The following SORCS2 variants were observed in gnomAD, a reference collection of about 807,000 sequenced individuals.
SORCS2 encodes the protein sortilin related VPS10 domain containing receptor 2, also known as VPS10 domain-containing receptor SorCS2.
In SORCS2, 100 loss-of-function variants were observed where a neutral mutation model predicts 141.6. The observed-to-expected ratio is 0.71, with a 90% confidence interval of 0.60 to 0.83. SORCS2 has a LOEUF of 0.83. Among genes scored for constraint, SORCS2 ranks in the 40% least tolerant of loss-of-function variants. The pLI is 0.00. For missense variants in SORCS2, 1,646 were observed against 1,560.2 expected (o/e 1.05, Z -0.93); for synonymous variants, 789 against 676.9 (o/e 1.17, Z -2.57).
chr4:7,716,246 G>A (rs1051788607), intron 17 of SORCS2, among the ~76,000 whole-genome samples: 1 of 152,170 alleles, frequency 6.6e-6, no homozygotes, highest in Admixed American at 6.5e-5. Context: ...TTCCCCTGAG[G>A]GAACTTGAGG....
rs1398957353 is a variant in SORCS2 at position 7,704,182 on chromosome 4, G to T, written c.1766G>T (p.Ser589Ile). Residue 589 changes from serine (S) to isoleucine (I), a missense_variant, in exon 14 of 27, where the codon AGT (serine) becomes ATT (isoleucine). Transcript: ENST00000507866. ...TGACGATCTTCTCCTGGCAGGTTCA[G>T]TGTGGACGAGGGCCTCACCTGGAGC... Reference protein sequence around the residue: ...TSIPLKILKFSVDEGLTWSTH... With the variant: ...TSIPLKILKFIVDEGLTWSTH... The T allele has an allele frequency of 4.3e-6, 7 of 1,611,760 alleles. No homozygotes were observed. The highest frequency in any genetic ancestry group is 5.9e-6 in the Non-Finnish European group (7 of 1,179,168).
chr4:7,725,268 G>A lies in SORCS2; in HGVS notation c.2726G>A (p.Trp909Ter). 1 of 1,613,324 alleles carries A rather than the reference G, an allele frequency of 6.2e-7. No individual in the cohort carries two copies. ...LNPNLTVFYWWIGHSLQPLLS... is the reference protein window; with the variant it reads ...LNPNLTVFYW ...CCTAACCTCACCGTCTTCTACTGGT[G>A]GATCGGCCACAGCCTGCAGGTGCGC... Residue 909 changes from tryptophan to a stop codon, truncating the protein, a stop_gained, in exon 20 of 27, where the codon TGG (tryptophan) becomes TAG (stop). Transcript: ENST00000507866. LOFTEE classifies it high-confidence loss of function.
At chr4:7,356,013 C>G (rs1721230088) in intron 1 of SORCS2, among the ~76,000 whole-genome samples, 3 of 152,240 alleles carry the variant, frequency 2.0e-5, no homozygotes, top group Admixed American at 2.0e-4. Context: ...GGCCCTCTTT[C>G]TGTCCTTTGA....
intron 2 of SORCS2, among the ~76,000 whole-genome samples, chr4:7,450,929 G>A (rs1318555355): frequency 6.6e-6 from 1 of 150,756 alleles, no homozygotes; most frequent in Non-Finnish European, 1.5e-5. Context: ...AGGAAGTGAG[G>A]GAATGAGTGA....
intron 1 of SORCS2, among the ~76,000 whole-genome samples, chr4:7,252,316 G>A (rs1713560094): frequency 6.6e-6 from 1 of 152,162 alleles, no homozygotes; most frequent in Non-Finnish European, 1.5e-5. Context: ...TGGGAGGGAG[G>A]GCATGCTGGG....
intron 1 of SORCS2, among the ~76,000 whole-genome samples, chr4:7,395,803 C>T (rs572326136): frequency 1.1e-4 from 16 of 152,270 alleles, no homozygotes; most frequent in African/African-American, 1.7e-4. Flanking sequence ...TAATGACAGA[C>T]GGACCACAGG....
intron 8 of SORCS2, among the ~76,000 whole-genome samples, chr4:7,674,573 C>G (rs1484990089): frequency 1.8e-5 from 1 of 56,402 alleles, no homozygotes; most frequent in Non-Finnish European, 3.0e-5. Context: ...GACTCTGTCT[C>G]AAAATAAAAA....
intron 19 of SORCS2, among the ~76,000 whole-genome samples, chr4:7,724,115 ATGGTGGTGGTGGTGGTGG>A (rs757064728): frequency 8.3e-5 from 12 of 145,212 alleles, no homozygotes; most frequent in East Asian, 4.4e-4. Context: ...AGTGGTGGTG[ATGGTGGTGGTGGTGGTGG>A]TGGTGGTGAT....
intron 1 of SORCS2, among the ~76,000 whole-genome samples, chr4:7,362,805 T>C (rs894675998): frequency 6.6e-6 from 1 of 151,654 alleles, no homozygotes; most frequent in African/African-American, 2.4e-5. Flanking sequence ...GCCATCACCA[T>C]CATTACCACC....
At chr4:7,504,442 A>G (rs1328508202) in intron 2 of SORCS2, among the ~76,000 whole-genome samples, 2 of 152,206 alleles carry the variant, frequency 1.3e-5, no homozygotes, top group Admixed American at 1.3e-4. Context: ...GGGCCCTCGG[A>G]TGCAGAGCAA....
chr4:7,667,803 C>T (rs945023590), intron 8 of SORCS2, among the ~76,000 whole-genome samples: 3 of 152,252 alleles, frequency 2.0e-5, no homozygotes, highest in African/African-American at 7.2e-5. Flanking sequence ...TGCCCCTGCC[C>T]CTGCCTTGGG....
intron 1 of SORCS2, among the ~76,000 whole-genome samples, chr4:7,282,221 G>C (rs917046850): frequency 6.6e-6 from 1 of 152,290 alleles, no homozygotes; most frequent in Admixed American, 6.5e-5. Flanking sequence ...CGTCTCTCTG[G>C]CCTATGGGGC....
At chr4:7,532,015 G>C (rs1009419949) in intron 3 of SORCS2, among the ~76,000 whole-genome samples, 8 of 152,236 alleles carry the variant, frequency 5.3e-5, no homozygotes, top group Non-Finnish European at 1.2e-4. Context: ...TCGGAAGTTA[G>C]TTGTTGATCC....
intron 2 of SORCS2, among the ~76,000 whole-genome samples, chr4:7,428,910 A>T (rs2109216401): frequency 6.6e-6 from 1 of 152,222 alleles, no homozygotes; most frequent in East Asian, 1.9e-4. Context: ...GACCCCAGGA[A>T]GGCACCTCTT....
At chr4:7,714,762 C>G (rs556743784) in intron 16 of SORCS2, among the ~76,000 whole-genome samples, 76 of 152,304 alleles carry the variant, frequency 5.0e-4, no homozygotes, top group African/African-American at 1.8e-3. Context: ...TGTGACTGCC[C>G]AGTGCCCACA....
rs74484339 is a variant in SORCS2 at position 7,702,467 on chromosome 4, C to G, written c.1669-813C>G. On this transcript the variant is annotated intron_variant, in intron 12 of 26. Coordinates refer to ENST00000507866, the MANE Select transcript of SORCS2 (RefSeq NM_020777.3). ...TGAGGCCTTAGCATACCCTCCACCCCTCAGAGCCTCAGCCTCCTCATGTGT... is the reference window on the plus strand; with the variant it reads ...TGAGGCCTTAGCATACCCTCCACCCGTCAGAGCCTCAGCCTCCTCATGTGT... Among the ~76,000 whole-genome samples the G allele has an allele frequency of 8.5e-3, 1,296 of 152,330 alleles. 19 individuals carry two copies. The highest frequency in any genetic ancestry group is 0.03 in the African/African-American group (1,233 of 41,566).
intron 2 of SORCS2, among the ~76,000 whole-genome samples, chr4:7,403,997 A>ATATATAT (rs1265288820): frequency 4.7e-4 from 9 of 18,976 alleles, no homozygotes; most frequent in East Asian, 3.8e-3. Context: ...ATATATATAT[A>ATATATAT]TTTTTTTTTT....
chr4:7,194,122 T>C (rs1577261440), intron 1 of SORCS2, among the ~76,000 whole-genome samples: 1 of 151,524 alleles, frequency 6.6e-6, no homozygotes. Context: ...GATAGGGAGG[T>C]GGCAGCCATG....
chr4:7,514,522 C>A (rs1211184677), intron 2 of SORCS2, among the ~76,000 whole-genome samples: 1 of 151,870 alleles, frequency 6.6e-6, no homozygotes, highest in Non-Finnish European at 1.5e-5. Flanking sequence ...CTGGTAGAGT[C>A]ATGGCAGGGC....
Sources: gnomAD v4.1 joint callset for allele counts (sites outside exome capture counted in the v4.1 genomes callset) on GRCh38, gnomAD v4.1.1 for gene constraint, MANE v1.5 for transcripts, NCBI Gene and HGNC (gene_info 2026-07-23, HGNC 2026-07-21) for gene names.